The following CTNNA2 variants were observed in gnomAD, a reference collection of about 807,000 sequenced individuals.
The protein encoded by CTNNA2 is catenin alpha-2.
A neutral mutation model predicts 101.0 loss-of-function variants in CTNNA2; 42 were observed. The ratio of observed to expected loss-of-function variants is 0.42; its 90% CI spans 0.32 to 0.54. The LOEUF (loss-of-function observed/expected upper bound fraction) is 0.54. Among genes scored for constraint, CTNNA2 ranks in the 20% least tolerant of loss-of-function variants. CTNNA2 has a pLI of 0.14. For synonymous variants in CTNNA2, 450 were observed against 456.4 expected (o/e 0.99, Z 0.18); for missense variants, 871 against 1,223.1 (o/e 0.71, Z 4.29).
chr2:79,882,571 G>C (rs1246985596), intron 6 of CTNNA2, among the ~76,000 whole-genome samples: 6 of 152,240 alleles, frequency 3.9e-5, no homozygotes, highest in Non-Finnish European at 8.8e-5. Flanking sequence ...CTCCAGCAGG[G>C]GAAAAGCATG....
intron 1 of CTNNA2, among the ~76,000 whole-genome samples, chr2:79,616,884 A>G (rs749679748): frequency 6.4e-4 from 96 of 151,034 alleles, no homozygotes; most frequent in Non-Finnish European, 1.2e-3. Flanking sequence ...TTTCTCCCCA[A>G]TAATATTTAA....
intron 12 of CTNNA2, among the ~76,000 whole-genome samples, chr2:80,559,019 C>T (rs1410965872): frequency 6.6e-6 from 1 of 152,118 alleles, no homozygotes; most frequent in East Asian, 1.9e-4. Flanking sequence ...CTGGACTCCA[C>T]CTGCTAAATG....
chr2:80,459,789 G>A (rs952877475), intron 9 of CTNNA2, among the ~76,000 whole-genome samples: 34 of 152,080 alleles, frequency 2.2e-4, no homozygotes, highest in African/African-American at 3.1e-4. Flanking sequence ...ACATCCCTCA[G>A]CCACATTGTT....
At chr2:79,781,024 G>A (rs1674382579) in intron 3 of CTNNA2, among the ~76,000 whole-genome samples, 1 of 152,180 alleles carries the variant, frequency 6.6e-6, no homozygotes, top group Admixed American at 6.5e-5. Context: ...TTCAGGTCAA[G>A]TCCATAGAGT....
chr2:80,441,313 G>A (rs1229198215), intron 9 of CTNNA2, among the ~76,000 whole-genome samples: 1 of 152,154 alleles, frequency 6.6e-6, no homozygotes, highest in African/African-American at 2.4e-5. Flanking sequence ...TTGCTGTTCA[G>A]ACTGGATATT....
intron 3 of CTNNA2, among the ~76,000 whole-genome samples, chr2:79,841,274 T>G (rs968112535): frequency 1.3e-5 from 2 of 152,212 alleles, no homozygotes; most frequent in African/African-American, 4.8e-5. Context: ...ACTTTTTTAT[T>G]GGTACATTCT....
chr2:79,638,423 A>T (rs960853307), intron 1 of CTNNA2, among the ~76,000 whole-genome samples: 1 of 152,204 alleles, frequency 6.6e-6, no homozygotes, highest in Admixed American at 6.5e-5. Context: ...TTTACTAAGG[A>T]GTATATATGC....
chr2:80,628,702 C>G (rs1197575860), intron 18 of CTNNA2, among the ~76,000 whole-genome samples: 1 of 151,946 alleles, frequency 6.6e-6, no homozygotes, highest in African/African-American at 2.4e-5. Flanking sequence ...AGATAGGTAA[C>G]TCCTGCCTAC....
chr2:80,141,855 A>ATT (rs34748982), intron 7 of CTNNA2, among the ~76,000 whole-genome samples: 37 of 143,522 alleles, frequency 2.6e-4, no homozygotes, highest in Non-Finnish European at 2.7e-4. Flanking sequence ...TAAAGATAGC[A>ATT]TTTTTTTTTT....
chr2:80,316,029 A>G (rs1376079782), intron 7 of CTNNA2, among the ~76,000 whole-genome samples: 1 of 152,168 alleles, frequency 6.6e-6, no homozygotes, highest in African/African-American at 2.4e-5. Flanking sequence ...GAAGCACTGT[A>G]TCTTTTTGCT....
chr2:80,123,643 T>G (rs1352633079), intron 7 of CTNNA2, among the ~76,000 whole-genome samples: 1 of 152,162 alleles, frequency 6.6e-6, no homozygotes, highest in African/African-American at 2.4e-5. Context: ...TCAGTATGTA[T>G]TCCCTTGCCC....
chr2:79,856,612 A>G (rs1391244142), intron 3 of CTNNA2, among the ~76,000 whole-genome samples: 1 of 152,198 alleles, frequency 6.6e-6, no homozygotes, highest in Non-Finnish European at 1.5e-5. Flanking sequence ...TTCACTCCCC[A>G]AAGTGGATAT....
chr2:79,424,217 T>A (rs887361966), intron 4 of CTNNA2, among the ~76,000 whole-genome samples: 1 of 152,156 alleles, frequency 6.6e-6, no homozygotes, highest in Admixed American at 6.5e-5. Context: ...CGTAACCTCA[T>A]GCCTACGATA....
chr2:80,095,449 T>C (rs1700084184), intron 7 of CTNNA2, among the ~76,000 whole-genome samples: 1 of 152,226 alleles, frequency 6.6e-6, no homozygotes, highest in Non-Finnish European at 1.5e-5. Flanking sequence ...ATCAAGGATA[T>C]TGGTCTAAAA....
intron 7 of CTNNA2, among the ~76,000 whole-genome samples, chr2:80,037,839 A>G (rs1429642623): frequency 5.3e-5 from 8 of 152,236 alleles, no homozygotes; most frequent in Admixed American, 3.3e-4. Context: ...GAACTTGACC[A>G]CTTCATTCTT....
Position 80,150,356 on chromosome 2 carries a change from T to A in CTNNA2, c.1056+240559T>A, listed in dbSNP as rs924114743. Reference sequence around the variant, plus strand: ...CCTGGCCACAGGGTCTCAGTCTCACTGGCCCCATCTCTCTTCTTCAGCCTT... The same window carrying A: ...CCTGGCCACAGGGTCTCAGTCTCACAGGCCCCATCTCTCTTCTTCAGCCTT... On this transcript the variant is annotated intron_variant, in intron 7 of 18. Coordinates refer to ENST00000402739, the MANE Select transcript of CTNNA2 (RefSeq NM_001282597.3). Among the ~76,000 whole-genome samples the A allele has an allele frequency of 3.3e-5, 5 of 152,256 alleles. No homozygotes were observed. In the East Asian group the frequency reaches 7.8e-4, roughly 24 times the overall value.
At chr2:80,227,451 T>G (rs1343313754) in intron 7 of CTNNA2, among the ~76,000 whole-genome samples, 1 of 152,232 alleles carries the variant, frequency 6.6e-6, no homozygotes, top group Non-Finnish European at 1.5e-5. Flanking sequence ...TAGGGTCTTT[T>G]GTCTCACGTT....
intron 2 of CTNNA2, among the ~76,000 whole-genome samples, chr2:79,248,912 T>C (rs1362649068): frequency 6.6e-6 from 1 of 152,210 alleles, no homozygotes; most frequent in African/African-American, 2.4e-5. Context: ...CAGCACCCTA[T>C]CTACAGTTCC....
intron 7 of CTNNA2, among the ~76,000 whole-genome samples, chr2:80,381,954 T>A (rs767363260): frequency 7.2e-5 from 11 of 152,248 alleles, no homozygotes; most frequent in Non-Finnish European, 1.3e-4. Context: ...ATATACATCT[T>A]AATCCTATGC....
Sources: allele counts gnomAD v4.1 joint callset (sites outside exome capture counted in the v4.1 genomes callset), GRCh38; gene constraint gnomAD v4.1.1; transcripts MANE v1.5; gene names NCBI Gene and HGNC (gene_info 2026-07-23, HGNC 2026-07-21).